The following EFCAB13 variants were observed in gnomAD, a reference collection of about 807,000 sequenced individuals.
EFCAB13 encodes EF-hand calcium binding domain 13.
A neutral mutation model predicts 110.2 loss-of-function variants in EFCAB13; 91 were observed. The observed-to-expected ratio is 0.83, with a 90% CI of 0.70 to 0.98. EFCAB13 has a LOEUF of 0.98. Ranked by LOEUF, EFCAB13 falls within the 50% of genes least tolerant of loss-of-function variation. The pLI is 0.00. For synonymous variants in EFCAB13, 323 were observed against 369.9 expected (o/e 0.87, Z 1.45); for missense variants, 968 against 1,119.4 (o/e 0.86, Z 1.93).
chr17:47,340,567 A>G (rs2065378330), intron 5 of EFCAB13, among the ~76,000 whole-genome samples: 1 of 151,888 alleles, frequency 6.6e-6, no homozygotes, highest in Non-Finnish European at 1.5e-5. Flanking sequence ...TTATAATATA[A>G]CCACTTTGCA....
At chr17:47,374,269 A>G (rs1356628272) in intron 11 of EFCAB13, among the ~76,000 whole-genome samples, 1 of 152,190 alleles carries the variant, frequency 6.6e-6, no homozygotes, top group Non-Finnish European at 1.5e-5. Context: ...GAATATGTAA[A>G]TATATTAAAG....
At chr17:47,361,657 C>G (rs1270643582) in intron 10 of EFCAB13, 136 bp downstream of exon 10, 7 of 647,524 alleles carry the variant, frequency 1.1e-5, no homozygotes, top group Non-Finnish European at 1.5e-5. Flanking sequence ...GCCATTGACA[C>G]TGTTTACTGG....
At chr17:47,408,889 G>T (rs116393444) in intron 20 of EFCAB13, among the ~76,000 whole-genome samples, 259 of 152,126 alleles carry the variant, frequency 1.7e-3, no homozygotes, top group African/African-American at 6.0e-3. Flanking sequence ...ATAGTGCCTA[G>T]GTTCAGCAAT....
At chr17:47,413,092 C>T (rs182166176) in intron 22 of EFCAB13, among the ~76,000 whole-genome samples, 176 bp downstream of exon 22, 17 of 152,244 alleles carry the variant, frequency 1.1e-4, no homozygotes, top group African/African-American at 4.1e-4. Context: ...TTGAACATAT[C>T]TATTCATACT....
intron 23 of EFCAB13, among the ~76,000 whole-genome samples, chr17:47,424,876 T>C (rs974785538): frequency 1.8e-4 from 6 of 33,456 alleles, no homozygotes; most frequent in South Asian, 8.4e-4. Flanking sequence ...TTGACAATCT[T>C]TTTTTTTTTT....
At chr17:47,338,666 G>A (rs2065366117) in intron 5 of EFCAB13, among the ~76,000 whole-genome samples, 1 of 151,808 alleles carries the variant, frequency 6.6e-6, no homozygotes. Context: ...CTCTGTATAT[G>A]TATATTGTAC....
At chr17:47,350,325 T>C (rs1454005552) in intron 9 of EFCAB13, among the ~76,000 whole-genome samples, 2 of 152,208 alleles carry the variant, frequency 1.3e-5, no homozygotes, top group African/African-American at 4.8e-5. Context: ...TCTCTAGTTT[T>C]CCTGCACATT....
intron 9 of EFCAB13, among the ~76,000 whole-genome samples, 173 bp downstream of exon 9, chr17:47,348,124 A>G (rs1371356635): frequency 6.6e-6 from 1 of 151,804 alleles, no homozygotes; most frequent in Non-Finnish European, 1.5e-5. Flanking sequence ...ATTACTTACA[A>G]TAATGATATT....
chr17:47,429,208 A>G (rs1255372287), intron 23 of EFCAB13, among the ~76,000 whole-genome samples: 3 of 152,216 alleles, frequency 2.0e-5, no homozygotes. Flanking sequence ...ATTAATATCC[A>G]GTGAATTTCT....
At chr17:47,384,020 C>T (rs190598558) in intron 14 of EFCAB13, among the ~76,000 whole-genome samples, 191 of 152,166 alleles carry the variant, frequency 1.3e-3, no homozygotes, top group African/African-American at 4.3e-3. Context: ...TCGGGGTACT[C>T]CTGCATTGGG....
At chr17:47,439,564 A>C (rs1202818663) in intron 24 of EFCAB13, among the ~76,000 whole-genome samples, 1 of 152,108 alleles carries the variant, frequency 6.6e-6, no homozygotes, top group Non-Finnish European at 1.5e-5. Flanking sequence ...ACAAATGTTT[A>C]ATATTCTGCC....
intron 9 of EFCAB13, among the ~76,000 whole-genome samples, chr17:47,356,895 G>A (rs945478940): frequency 2.0e-5 from 3 of 152,180 alleles, no homozygotes; most frequent in Non-Finnish European, 4.4e-5. Context: ...GTTTGGGTGG[G>A]CCTTGCTGCA....
intron 9 of EFCAB13, among the ~76,000 whole-genome samples, chr17:47,351,042 A>G (rs2065446851): frequency 6.6e-6 from 1 of 151,928 alleles, no homozygotes; most frequent in Non-Finnish European, 1.5e-5. Context: ...TTATTAAGTA[A>G]TTTTTCATCC....
At position 47,344,284 on chromosome 17, in the gene EFCAB13, A is replaced by G. The variant is rs2065402757; in HGVS notation, c.426A>G (p.Ala142=). Residue 142 remains alanine (A), a synonymous_variant, in exon 7 of 25, where the codon GCA becomes GCG. Transcript: ENST00000331493. ...KTSSPLCTSS[A]ITREKEMLSN... ...CATCACCTCTTTGTACATCTTCTGC[A>G]ATTACTCGGTATTTAAATCCTTGTA... 6.2e-7 allele frequency: 1 copy of G among 1,611,844 alleles called. No homozygotes were observed. The highest frequency in any genetic ancestry group is 8.5e-7 in the Non-Finnish European group (1 of 1,178,608).
chr17:47,432,383 G>A (rs1033948230), intron 24 of EFCAB13, among the ~76,000 whole-genome samples: 8 of 148,704 alleles, frequency 5.4e-5, no homozygotes, highest in Admixed American at 5.4e-4. Flanking sequence ...GGGCGACTGA[G>A]CAAGAATCCA....
At chr17:47,421,658 T>C (rs1356615601) in intron 23 of EFCAB13, among the ~76,000 whole-genome samples, 1 of 108,916 alleles carries the variant, frequency 9.2e-6, no homozygotes, top group Non-Finnish European at 2.0e-5. Context: ...AAAAAAGAAA[T>C]GTTACCAATA....
intron 14 of EFCAB13, among the ~76,000 whole-genome samples, chr17:47,386,345 A>G (rs1361077572): frequency 6.6e-6 from 1 of 152,104 alleles, no homozygotes; most frequent in Non-Finnish European, 1.5e-5. Flanking sequence ...TGCCCTTCCC[A>G]GTGAAGAGGA....
chr17:47,402,645 G>A (rs1208339625), intron 18 of EFCAB13, among the ~76,000 whole-genome samples: 1 of 152,164 alleles, frequency 6.6e-6, no homozygotes, highest in Non-Finnish European at 1.5e-5. Context: ...AGGAAATAAA[G>A]GCCTTTTGAA....
At chr17:47,379,375 A>C in intron 14 of EFCAB13, 122 bp downstream of exon 14, 1 of 669,102 alleles carries the variant, frequency 1.5e-6, no homozygotes, top group East Asian at 2.7e-5. Context: ...ACTCTTAGGC[A>C]AGTCAGTTGC....
Sources: allele counts gnomAD v4.1 joint callset (sites outside exome capture counted in the v4.1 genomes callset), GRCh38; gene constraint gnomAD v4.1.1; transcripts MANE v1.5; gene names NCBI Gene and HGNC (gene_info 2026-07-23, HGNC 2026-07-21).